Variants in BRI3 observed in about 807,000 individuals in gnomAD.
BRI3 encodes membrane protein BRI3.
A neutral mutation model predicts 12.8 loss-of-function variants in BRI3; 6 were observed. The ratio of observed to expected loss-of-function variants is 0.47; its 90% CI spans 0.26 to 0.93. BRI3 has a LOEUF of 0.93. Among genes scored for constraint, BRI3 ranks in the 40% least tolerant of loss-of-function variants. The probability of loss-of-function intolerance (pLI) is 0.15; values close to 1 mark genes in which losing one functional copy is unlikely to be tolerated. For synonymous variants in BRI3, 91 were observed against 76.1 expected, an observed-to-expected ratio of 1.20 and a Z score of -1.02; for missense variants, 134 against 171.1, an observed-to-expected ratio of 0.78 and a Z score of 1.21.
chr7:98,288,598 CCACA>C (rs77152131), intron 2 of BRI3, among the ~76,000 whole-genome samples: 2 of 151,188 alleles, frequency 1.3e-5, no homozygotes, highest in Admixed American at 1.3e-4. Context: ...CTCAGCCCCT[CCACA>C]CAGACAGGTG....
downstream of BRI3, among the ~76,000 whole-genome samples, chr7:98,311,645 T>A (rs560431689): frequency 6.7e-6 from 1 of 148,246 alleles, no homozygotes; most frequent in East Asian, 2.1e-4. Context: ...TGGTGGCTCA[T>A]GCCTGTAATC....
At chr7:98,300,941 C>T (rs1800395399) in intron 1 of BRI3, among the ~76,000 whole-genome samples, 2 of 152,196 alleles carry the variant, frequency 1.3e-5, no homozygotes, top group African/African-American at 4.8e-5. Context: ...TCCCCTGATG[C>T]GTCCCAGGAA....
chr7:98,291,118 G>A lies in BRI3; in HGVS notation c.253G>A (p.Val85Met). The change falls in exon 3 of 3, where the codon GTG becomes ATG. Residue 85 changes from valine (V) to methionine (M), a missense_variant. Val to Met is a conservative substitution (Grantham distance 21). Coordinates refer to ENST00000297290, the MANE Select transcript of BRI3 (RefSeq NM_015379.5). ...VGGCPVCRVG[V>M]LEDCFTFLGI... is the part of the protein sequence containing the mutation. Reference sequence around the variant, plus strand: ...TGCCCGTCTCTGCTGCAGGGTTGGGGTGCTGGAGGACTGCTTCACCTTCCT... The same window carrying A: ...TGCCCGTCTCTGCTGCAGGGTTGGGATGCTGGAGGACTGCTTCACCTTCCT... 1.2e-6 allele frequency: 2 copies of A among 1,614,158 alleles called. No individual in the cohort carries two copies. Among genetic ancestry groups the A allele is most frequent in the Non-Finnish European group, 1.7e-6 (2 of 1,180,026 alleles).
downstream of BRI3, chr7:98,292,354 G>A (rs774718820): frequency 6.7e-5 from 26 of 385,996 alleles, no homozygotes; most frequent in South Asian, 4.4e-4. Flanking sequence ...CCTGAGTGGC[G>A]CCCACCACCA....
At chr7:98,305,458 C>G (rs1042577563), upstream of BRI3, among the ~76,000 whole-genome samples, 14 of 152,128 alleles carry the variant, frequency 9.2e-5, no homozygotes, top group Non-Finnish European at 1.8e-4. Flanking sequence ...CTGGGGAATG[C>G]AACGTCGGAC....
At chr7:98,315,634 T>TAATAATAAG in the BRI3 span, 1 of 1,076,450 alleles carries the variant, frequency 9.3e-7, no homozygotes, top group Non-Finnish European at 1.2e-6. Context: ...AAAATAATAA[T>TAATAATAAG]AATAATAATT....
chr7:98,315,721 G>C, the BRI3 span: 244 of 452,510 alleles, frequency 5.4e-4, 1 homozygote, highest in Non-Finnish European at 5.1e-5. Flanking sequence ...TGCTTTATTT[G>C]AATAATAGAG....
downstream of BRI3, among the ~76,000 whole-genome samples, chr7:98,313,423 C>T (rs1800950826): frequency 6.6e-6 from 1 of 152,038 alleles, no homozygotes; most frequent in East Asian, 1.9e-4. Context: ...CCTCATGACA[C>T]GGTGGGGATA....
the BRI3 span, among the ~76,000 whole-genome samples, chr7:98,318,581 C>T: frequency 4.0e-5 from 6 of 151,812 alleles, no homozygotes; most frequent in Non-Finnish European, 8.8e-5. Context: ...GCCCAGTGAA[C>T]ACAGGGTCTT....
upstream of BRI3, among the ~76,000 whole-genome samples, chr7:98,305,047 G>GT (rs59633894): frequency 0.16 from 16,269 of 100,266 alleles, 2,125 homozygotes; most frequent in African/African-American, 0.28. Flanking sequence ...TTTGTTTTTT[G>GT]TTTTTTTTTT....
chr7:98,312,389 G>A (rs1454627572), downstream of BRI3: 1 of 1,021,088 alleles, frequency 9.8e-7, no homozygotes, highest in African/African-American at 1.6e-5. Flanking sequence ...GGGGCCCTGG[G>A]TTAAACTCGG....
chr7:98,318,894 C>T, the BRI3 span, among the ~76,000 whole-genome samples: 1 of 146,210 alleles, frequency 6.8e-6, no homozygotes. Flanking sequence ...CAGTGAGCCC[C>T]GAGATTGCGC....
At chr7:98,306,600 G>A (rs182223141) in exon 1 of BRI3, 678 of 1,596,142 alleles carry the variant, frequency 4.2e-4, no homozygotes, top group Admixed American at 1.5e-3. Context: ...GAGAGCTCAG[G>A]GCAGACAGGT....
At chr7:98,282,003 G>T in intron 1 of BRI3, 66 bp downstream of exon 1, 1 of 1,296,280 alleles carries the variant, frequency 7.7e-7, no homozygotes, top group Non-Finnish European at 9.8e-7. Context: ...GGGGGACGTG[G>T]GTCCGGAGGC....
chr7:98,304,222 C>T (rs1002541151), upstream of BRI3: 5 of 1,609,410 alleles, frequency 3.1e-6, no homozygotes, highest in Non-Finnish European at 3.4e-6. Context: ...GGCTTGGACG[C>T]TGGGGCCTTA....
At chr7:98,320,291 G>A in the BRI3 span, 6 of 1,602,772 alleles carry the variant, frequency 3.7e-6, no homozygotes, top group Non-Finnish European at 5.1e-6. Flanking sequence ...TCTCTATGAG[G>A]ACATGTCCTG....
chr7:98,290,180 T>G (rs896770019), intron 2 of BRI3, among the ~76,000 whole-genome samples: 68 of 83,140 alleles, frequency 8.2e-4, no homozygotes, highest in Non-Finnish European at 1.3e-3. Context: ...CTCTCAAGGT[T>G]GTTTTTTTTT....
At chr7:98,293,401 G>T, downstream of BRI3, 1 of 890,356 alleles carries the variant, frequency 1.1e-6, no homozygotes, top group Non-Finnish European at 1.8e-6. Context: ...TTAAGCAGGC[G>T]ACATTAGAGT....
At chr7:98,282,678 A>C in intron 2 of BRI3, 1 of 530,300 alleles carries the variant, frequency 1.9e-6, no homozygotes. Context: ...AAAAGGGTGG[A>C]TTCCTTTTCC....
Sources: allele counts gnomAD v4.1 joint callset (sites outside exome capture counted in the v4.1 genomes callset), GRCh38; gene constraint gnomAD v4.1.1; transcripts MANE v1.5; gene names NCBI Gene and HGNC (gene_info 2026-07-23, HGNC 2026-07-21).